The following MCTP1 variants were observed in gnomAD, a reference collection of about 807,000 sequenced individuals.
The protein encoded by MCTP1 is multiple C2 and transmembrane domain-containing protein 1.
In MCTP1, 69 loss-of-function variants were observed where a neutral mutation model predicts 120.6. That is an observed-to-expected ratio of 0.57 (90% CI 0.47 to 0.70). MCTP1 has a LOEUF of 0.70. Ranked by LOEUF, MCTP1 falls within the 30% of genes least tolerant of loss-of-function variation. The probability of loss-of-function intolerance (pLI) is 0.00; values close to 1 mark genes in which losing one functional copy is unlikely to be tolerated. For synonymous variants in MCTP1, 529 were observed against 493.1 expected (o/e 1.07, Z -0.96); for missense variants, 1,203 against 1,248.8 (o/e 0.96, Z 0.55).
At chr5:94,896,605 C>T (rs13436765) in intron 10 of MCTP1, among the ~76,000 whole-genome samples, 15,479 of 152,158 alleles carry the variant, frequency 0.1, 838 homozygotes, top group Middle Eastern at 0.13. Flanking sequence ...TAATGCTTTA[C>T]AGGTGGGGAA....
Position 95,283,910 on chromosome 5 carries a change from C to A in MCTP1, c.666G>T (p.Arg222=). The A allele has an allele frequency of 7.2e-7, 1 of 1,394,154 alleles. No homozygotes were observed. Among genetic ancestry groups the A allele is most frequent in the South Asian group, 1.6e-5 (1 of 61,816 alleles). 86.4% of individuals were successfully genotyped at this position (1,394,154 alleles called of 1,614,324 possible). A position where few individuals can be genotyped will look rare whatever the true frequency, so the allele number is the denominator to read the frequency against. ...CCGGGGCCCGAGACTCCGCGGGACT[C>A]CGCGCCGGCTCTGCGGGAGGAGGCG... is the stretch of plus-strand genomic sequence containing the variant. ...EPPPPPAEPA[R]SPAESRAPET... Residue 222 remains arginine, a synonymous_variant, in exon 1 of 23, where the codon CGG becomes CGT. Coordinates refer to ENST00000515393, the MANE Select transcript of MCTP1 (RefSeq NM_024717.7).
At chr5:95,159,007 A>G (rs961295859) in intron 1 of MCTP1, among the ~76,000 whole-genome samples, 1 of 152,206 alleles carries the variant, frequency 6.6e-6, no homozygotes, top group Non-Finnish European at 1.5e-5. Context: ...GTATGTATCC[A>G]TAACTTTGAG....
intron 18 of MCTP1, 28 bp downstream of exon 18, chr5:94,798,985 A>G (rs1296328201): frequency 6.3e-7 from 1 of 1,595,844 alleles, no homozygotes; most frequent in Admixed American, 1.8e-5. Context: ...GAACAAAAAC[A>G]CATACAAGTA....
chr5:95,270,844 C>T (rs563703311), intron 1 of MCTP1, among the ~76,000 whole-genome samples: 61 of 151,762 alleles, frequency 4.0e-4, no homozygotes, highest in Non-Finnish European at 5.9e-4. Context: ...GCAGGAGAAT[C>T]GCTTGAACCC....
intron 1 of MCTP1, among the ~76,000 whole-genome samples, chr5:95,204,069 A>G (rs1751360409): frequency 6.6e-6 from 1 of 152,104 alleles, no homozygotes; most frequent in Non-Finnish European, 1.5e-5. Flanking sequence ...AACAAGTTGA[A>G]TGGAATAATC....
intron 5 of MCTP1, among the ~76,000 whole-genome samples, chr5:94,932,836 G>A (rs1231719741): frequency 6.6e-6 from 1 of 151,978 alleles, no homozygotes; most frequent in Non-Finnish European, 1.5e-5. Context: ...TAAAGTGCTT[G>A]TGCCATATTT....
intron 1 of MCTP1, among the ~76,000 whole-genome samples, chr5:95,195,148 T>G (rs1233633104): frequency 1.3e-5 from 2 of 152,172 alleles, no homozygotes; most frequent in Non-Finnish European, 1.5e-5. Flanking sequence ...TCCTAGAATA[T>G]GCTCCAGGGA....
intron 2 of MCTP1, among the ~76,000 whole-genome samples, chr5:94,982,690 A>T (rs1829660675): frequency 6.6e-6 from 1 of 151,992 alleles, no homozygotes; most frequent in Non-Finnish European, 1.5e-5. Flanking sequence ...GGAGTTCAAG[A>T]CCAGCCTGGC....
intron 19 of MCTP1, among the ~76,000 whole-genome samples, chr5:94,742,901 T>C (rs992415666): frequency 2.6e-5 from 4 of 151,930 alleles, no homozygotes; most frequent in South Asian, 2.1e-4. Context: ...CTGGGGGAGA[T>C]AACGAAAATG....
intron 1 of MCTP1, among the ~76,000 whole-genome samples, chr5:95,277,242 G>GC (rs1304963522): frequency 2.0e-5 from 3 of 152,156 alleles, no homozygotes; most frequent in Admixed American, 2.0e-4. Flanking sequence ...GAAGTAGGAT[G>GC]TTTTTCCATC....
intron 1 of MCTP1, among the ~76,000 whole-genome samples, chr5:95,116,847 G>A (rs966205063): frequency 1.5e-4 from 23 of 151,918 alleles, no homozygotes; most frequent in South Asian, 2.1e-4. Context: ...TGCCTGTTGC[G>A]GGTGTATACA....
rs149308911 is a variant in MCTP1, at chr5:95,195,183, C to T, written c.720+88673G>A. Among the ~76,000 whole-genome samples the T allele has an allele frequency of 6.6e-5, 10 of 152,248 alleles. No individual in the cohort carries two copies. The East Asian group carries it at 7.7e-4, about 12-fold the overall frequency. On this transcript the variant is annotated intron_variant, in intron 1 of 22. Coordinates refer to ENST00000515393, the MANE Select transcript of MCTP1 (RefSeq NM_024717.7). The stretch of plus-strand genomic sequence containing the variant: ...ATTCAGAATGATGGATGATGGAGAA[C>T]GGGCTCTTGCTTATGATGTTTCCAG...
chr5:95,153,313 C>T (rs1240754592), intron 1 of MCTP1, among the ~76,000 whole-genome samples: 1 of 152,210 alleles, frequency 6.6e-6, no homozygotes, highest in Admixed American at 6.5e-5. Flanking sequence ...TTTCCTGAGG[C>T]CTCCCCAGCT....
intron 1 of MCTP1, among the ~76,000 whole-genome samples, chr5:95,202,087 G>T (rs932131266): frequency 6.6e-6 from 1 of 152,248 alleles, no homozygotes; most frequent in Admixed American, 6.5e-5. Flanking sequence ...ACTGGTAAGT[G>T]GGTCAGTGGC....
chr5:94,862,671 G>C (rs1356710836), intron 17 of MCTP1, among the ~76,000 whole-genome samples: 2 of 151,668 alleles, frequency 1.3e-5, no homozygotes, highest in African/African-American at 4.8e-5. Context: ...TATACTCTTT[G>C]GGGGCCTTTT....
At chr5:94,821,976 C>T (rs1263778982) in intron 17 of MCTP1, among the ~76,000 whole-genome samples, 5 of 152,108 alleles carry the variant, frequency 3.3e-5, no homozygotes, top group Non-Finnish European at 5.9e-5. Flanking sequence ...TAGCATGTGG[C>T]TCAAAGAGGT....
At chr5:95,161,974 G>A (rs1745790937) in intron 1 of MCTP1, among the ~76,000 whole-genome samples, 1 of 152,134 alleles carries the variant, frequency 6.6e-6, no homozygotes, top group Non-Finnish European at 1.5e-5. Flanking sequence ...TTAACTTTGA[G>A]ACTCCTGTCA....
At chr5:95,034,294 G>A (rs1171422047) in intron 1 of MCTP1, among the ~76,000 whole-genome samples, 5 of 151,956 alleles carry the variant, frequency 3.3e-5, no homozygotes, top group African/African-American at 1.2e-4. Context: ...GAACAAAGCT[G>A]GAAGTATCAC....
intron 17 of MCTP1, among the ~76,000 whole-genome samples, chr5:94,833,869 A>T (rs1789110376): frequency 6.6e-6 from 1 of 152,210 alleles, no homozygotes; most frequent in Non-Finnish European, 1.5e-5. Flanking sequence ...AAGTGAGAAA[A>T]AAAATAGATT....
Sources: allele counts gnomAD v4.1 joint callset (sites outside exome capture counted in the v4.1 genomes callset), GRCh38; gene constraint gnomAD v4.1.1; transcripts MANE v1.5; gene names NCBI Gene and HGNC (gene_info 2026-07-23, HGNC 2026-07-21).